Variants in NELL1 observed in about 807,000 individuals in gnomAD.
The protein encoded by NELL1 is neural EGFL like 1.
In NELL1, 76 loss-of-function variants were observed where a neutral mutation model predicts 107.4. That is an observed-to-expected ratio of 0.71 (90% CI 0.59 to 0.86). The LOEUF is 0.86. NELL1 is among the 40% of genes least tolerant of loss of function. NELL1 has a pLI of 0.00. For synonymous variants in NELL1, 353 were observed against 341.2 expected, an observed-to-expected ratio of 1.03 and a Z score of -0.38; for missense variants, 1,024 against 1,005.5, an observed-to-expected ratio of 1.02 and a Z score of -0.25.
chr11:21,030,026 G>A (rs1852914430), intron 12 of NELL1, among the ~76,000 whole-genome samples: 1 of 152,208 alleles, frequency 6.6e-6, no homozygotes, highest in South Asian at 2.1e-4. Context: ...AGTAAATGAA[G>A]TGATTGGAAG....
intron 12 of NELL1, among the ~76,000 whole-genome samples, chr11:21,076,683 C>T (rs1032543599): frequency 6.6e-6 from 1 of 152,104 alleles, no homozygotes; most frequent in African/African-American, 2.4e-5. Flanking sequence ...GAGGTAGGGC[C>T]TAATTGGAGG....
At chr11:20,972,943 G>A (rs973620467) in intron 12 of NELL1, among the ~76,000 whole-genome samples, 1 of 152,076 alleles carries the variant, frequency 6.6e-6, no homozygotes, top group Non-Finnish European at 1.5e-5. Context: ...GGTGTGAGGA[G>A]TAGATTGGAT....
intron 15 of NELL1, among the ~76,000 whole-genome samples, chr11:21,373,962 C>G (rs1851411747): frequency 6.6e-6 from 1 of 152,022 alleles, no homozygotes. Flanking sequence ...CTCTTCTCAA[C>G]CTGGCTAAGA....
chr11:21,048,505 T>C (rs576993487), intron 12 of NELL1, among the ~76,000 whole-genome samples: 48 of 152,318 alleles, frequency 3.2e-4, no homozygotes, highest in Admixed American at 5.2e-4. Flanking sequence ...TCTTGGATAA[T>C]GTAACCATGT....
intron 4 of NELL1, among the ~76,000 whole-genome samples, chr11:20,862,605 C>CTTT (rs386373288): frequency 0.028 from 2,635 of 94,594 alleles, 162 homozygotes; most frequent in East Asian, 0.06. Context: ...TGAGCTGCTG[C>CTTT]TTTTTTTTTT....
chr11:21,306,051 T>C (rs1270735276), intron 14 of NELL1, among the ~76,000 whole-genome samples: 7 of 151,968 alleles, frequency 4.6e-5, no homozygotes, highest in Non-Finnish European at 5.9e-5. Context: ...TTTTATAGAT[T>C]AGTATTACTG....
intron 15 of NELL1, among the ~76,000 whole-genome samples, chr11:21,410,626 T>C (rs375675727): frequency 7.4e-4 from 112 of 152,108 alleles, no homozygotes; most frequent in African/African-American, 2.6e-3. Flanking sequence ...GTTTATGGTA[T>C]CTTTATTGAG....
chr11:21,159,844 C>T (rs1334864775), intron 13 of NELL1, among the ~76,000 whole-genome samples: 1 of 152,188 alleles, frequency 6.6e-6, no homozygotes, highest in African/African-American at 2.4e-5. Context: ...TAATAGGGTC[C>T]ATATCCCTCT....
chr11:20,915,717 A>ATATATATATATTTTTTTTTTTTT, intron 5 of NELL1, among the ~76,000 whole-genome samples: 5 of 58,220 alleles, frequency 8.6e-5, no homozygotes, highest in African/African-American at 4.4e-4. Flanking sequence ...ATATATATAT[A>ATATATATATATTTTTTTTTTTTT]TTTTTTTTTT....
At chr11:21,436,795 A>G (rs960435850) in intron 15 of NELL1, among the ~76,000 whole-genome samples, 1 of 151,784 alleles carries the variant, frequency 6.6e-6, no homozygotes, top group African/African-American at 2.4e-5. Context: ...TCTGTGTCCC[A>G]TTGGTTTTGG....
At chr11:20,883,811 C>A (rs1849453716) in intron 4 of NELL1, among the ~76,000 whole-genome samples, 1 of 152,134 alleles carries the variant, frequency 6.6e-6, no homozygotes, top group African/African-American at 2.4e-5. Context: ...ATAACTTATG[C>A]ATATCTCTTA....
intron 16 of NELL1, among the ~76,000 whole-genome samples, chr11:21,558,034 A>C (rs887909249): frequency 6.6e-5 from 10 of 152,012 alleles, no homozygotes; most frequent in Non-Finnish European, 1.3e-4. Context: ...CAGAGAAAGC[A>C]AAAAATCTGT....
intron 14 of NELL1, among the ~76,000 whole-genome samples, chr11:21,357,200 C>G (rs1850954503): frequency 6.6e-6 from 1 of 152,142 alleles, no homozygotes; most frequent in Admixed American, 6.5e-5. Context: ...AATGGTAGTT[C>G]TCTACTTTTA....
At chr11:20,853,332 AC>A (rs1293238766) in intron 4 of NELL1, among the ~76,000 whole-genome samples, 1 of 152,182 alleles carries the variant, frequency 6.6e-6, no homozygotes, top group Non-Finnish European at 1.5e-5. Flanking sequence ...CTAGATGGAA[AC>A]ATATTTTGGA....
intron 15 of NELL1, among the ~76,000 whole-genome samples, chr11:21,423,917 T>A (rs1411864005): frequency 6.6e-6 from 1 of 152,190 alleles, no homozygotes; most frequent in Non-Finnish European, 1.5e-5. Flanking sequence ...TAGAAAATGC[T>A]TAGAGATGAA....
intron 12 of NELL1, among the ~76,000 whole-genome samples, chr11:21,074,510 A>G (rs1026959945): frequency 2.0e-5 from 3 of 152,176 alleles, no homozygotes; most frequent in African/African-American, 7.2e-5. Flanking sequence ...TTCACAGGCA[A>G]TTCTGGTAAT....
intron 5 of NELL1, among the ~76,000 whole-genome samples, chr11:20,905,964 A>G (rs1378072666): frequency 6.6e-6 from 1 of 152,172 alleles, no homozygotes; most frequent in Non-Finnish European, 1.5e-5. Context: ...GATAAACTCA[A>G]AGGTATCCAC....
intron 17 of NELL1, among the ~76,000 whole-genome samples, chr11:21,569,510 T>TA (rs1554936460): frequency 6.6e-6 from 1 of 151,524 alleles, no homozygotes; most frequent in Non-Finnish European, 1.5e-5. Flanking sequence ...TTAAAACCAT[T>TA]GAAAGAGAAG....
intron 15 of NELL1, among the ~76,000 whole-genome samples, chr11:21,523,717 G>A (rs953841503): frequency 1.3e-5 from 2 of 152,092 alleles, no homozygotes; most frequent in Admixed American, 1.3e-4. Context: ...CCTCAAACCA[G>A]GTAGTTAACT....
Sources: gnomAD v4.1 joint callset for allele counts (sites outside exome capture counted in the v4.1 genomes callset) on GRCh38, gnomAD v4.1.1 for gene constraint, MANE v1.5 for transcripts, NCBI Gene and HGNC (gene_info 2026-07-23, HGNC 2026-07-21) for gene names.